Variants in NT5DC1 observed in about 807,000 individuals in gnomAD.
NT5DC1 encodes the protein 5'-nucleotidase domain containing 1, also known as 5'-nucleotidase domain-containing protein 1.
A neutral mutation model predicts 59.4 loss-of-function variants in NT5DC1; 42 were observed. That is an observed-to-expected ratio of 0.71 (90% CI 0.55 to 0.92). The LOEUF is 0.92. Ranked by LOEUF, NT5DC1 falls within the 40% of genes least tolerant of loss-of-function variation. NT5DC1 has a pLI of 0.00. For missense variants in NT5DC1, 501 were observed against 537.1 expected (o/e 0.93, Z 0.66); for synonymous variants, 172 against 188.1 (o/e 0.91, Z 0.70).
intron 6 of NT5DC1, among the ~76,000 whole-genome samples, chr6:116,197,059 G>A (rs1291473598): frequency 1.3e-5 from 2 of 151,664 alleles, no homozygotes; most frequent in African/African-American, 4.8e-5. Context: ...CAGAGCCATA[G>A]CCTCAGAGCC....
intron 6 of NT5DC1, among the ~76,000 whole-genome samples, chr6:116,216,160 T>C (rs1781684307): frequency 6.6e-6 from 1 of 152,034 alleles, no homozygotes; most frequent in South Asian, 2.1e-4. Flanking sequence ...TTAAGATAAT[T>C]GGCAACAGTT....
chr6:116,153,903 A>G (rs2114404797), intron 6 of NT5DC1, among the ~76,000 whole-genome samples: 1 of 152,288 alleles, frequency 6.6e-6, no homozygotes, highest in Middle Eastern at 3.4e-3. Flanking sequence ...GGAAAAGTAA[A>G]TCTTACTACG....
rs569796237 is a variant in NT5DC1, at chr6:116,123,243, C to T, written c.529+5298C>T. On this transcript the variant is annotated intron_variant, in intron 6 of 11. Coordinates refer to ENST00000319550, the MANE Select transcript of NT5DC1 (RefSeq NM_152729.3). ...GGAAATGAGTGCATTGGGCGTCATCCGAGACTGGAACTCCAGTGACAGGGC... is the reference window on the plus strand; with the variant it reads ...GGAAATGAGTGCATTGGGCGTCATCTGAGACTGGAACTCCAGTGACAGGGC... Among the ~76,000 whole-genome samples, 12 of 152,190 alleles carry T rather than the reference C, an allele frequency of 7.9e-5. No homozygotes were observed. In the South Asian group the frequency reaches 2.1e-3, roughly 26 times the overall value.
rs988106930 is a variant in NT5DC1, at chr6:116,221,316, C to G, written c.704+88C>G. 8 of 763,298 alleles carry G rather than the reference C, an allele frequency of 1.0e-5. No homozygotes were observed. The Admixed American group carries it at 1.9e-4, about 18-fold the overall frequency. 47.3% of individuals were successfully genotyped at this position (763,298 alleles called of 1,614,324 possible). A position where few individuals can be genotyped will look rare whatever the true frequency, so the allele number is the denominator to read the frequency against. On this transcript the variant is annotated intron_variant, in intron 7 of 11. Transcript: ENST00000319550. ...GCTTTTTTAAAAGTGTCAGCCATGA[C>G]CATATCATTATTTTAAACAATGCTG...
chr6:116,181,059 T>TTG (rs1454180927), intron 6 of NT5DC1, among the ~76,000 whole-genome samples: 1 of 151,168 alleles, frequency 6.6e-6, no homozygotes, highest in African/African-American at 2.5e-5. Context: ...ATATGGTATC[T>TTG]TGAATTTACT....
chr6:116,237,495 G>A (rs1159713820), intron 9 of NT5DC1: 12 of 457,704 alleles, frequency 2.6e-5, no homozygotes, highest in South Asian at 1.1e-4. Flanking sequence ...CTGAGAGATC[G>A]TGGGGTAACA....
At position 116,237,773 on chromosome 6, in the gene NT5DC1, A is replaced by G. The variant is rs186271168; in HGVS notation, c.922-414A>G. 532 of 263,712 alleles carry G rather than the reference A, an allele frequency of 2.0e-3. 2 individuals are homozygous for G. Among genetic ancestry groups the G allele is most frequent in the Middle Eastern group, 5.7e-3 (4 of 704 alleles). The allele number at this position is 263,712 out of a possible 1,614,324, so 16.3% of individuals were successfully genotyped here. A position where few individuals can be genotyped will look rare whatever the true frequency, so the allele number is the denominator to read the frequency against. The stretch of plus-strand genomic sequence containing the variant: ...GTCTGGGGTTGGGCCCAGAAACTTG[A>G]AAAGTGGTTGTGATTTGCACTTTTA... On this transcript the variant is annotated intron_variant, in intron 9 of 11. Transcript: ENST00000319550.
chr6:116,238,429 C>CAA (rs1487973221), intron 10 of NT5DC1, 81 bp downstream of exon 10: 4 of 736,740 alleles, frequency 5.4e-6, no homozygotes, highest in Non-Finnish European at 7.6e-6. Flanking sequence ...TACTTGACTC[C>CAA]AAAATTGTCC....
intron 6 of NT5DC1, among the ~76,000 whole-genome samples, chr6:116,127,659 A>T (rs954070830): frequency 1.3e-5 from 2 of 152,138 alleles, no homozygotes; most frequent in African/African-American, 4.8e-5. Flanking sequence ...AACTTTATGG[A>T]TGCTTTTGAA....
intron 6 of NT5DC1, among the ~76,000 whole-genome samples, chr6:116,215,190 A>T (rs1417819291): frequency 6.6e-6 from 1 of 152,188 alleles, no homozygotes; most frequent in Non-Finnish European, 1.5e-5. Flanking sequence ...CATGAAGATA[A>T]GATGCCTAGG....
At chr6:116,243,770 A>G in intron 11 of NT5DC1, 139 bp from the exon 12 acceptor site, 1 of 516,876 alleles carries the variant, frequency 1.9e-6, no homozygotes, top group Non-Finnish European at 3.4e-6. Flanking sequence ...AGCTACACAC[A>G]GACCTACTGA....
intron 8 of NT5DC1, among the ~76,000 whole-genome samples, chr6:116,235,975 A>G (rs1350637358): frequency 2.0e-5 from 3 of 152,164 alleles, no homozygotes; most frequent in Non-Finnish European, 4.4e-5. Context: ...GTAATTTTGT[A>G]TTAATTCTGT....
intron 1 of NT5DC1, among the ~76,000 whole-genome samples, chr6:116,101,733 A>G (rs1251487460): frequency 2.0e-5 from 3 of 152,170 alleles, no homozygotes; most frequent in African/African-American, 4.8e-5. Context: ...TGGAGTATGC[A>G]TGCTTCCAGA....
intron 6 of NT5DC1, among the ~76,000 whole-genome samples, chr6:116,215,060 A>T (rs1375596190): frequency 6.6e-6 from 1 of 152,126 alleles, no homozygotes; most frequent in Admixed American, 6.5e-5. Context: ...GAACCCAGTT[A>T]TCAAGGTTTA....
intron 8 of NT5DC1, among the ~76,000 whole-genome samples, chr6:116,236,334 C>T (rs771384235): frequency 1.3e-5 from 2 of 152,158 alleles, no homozygotes; most frequent in Non-Finnish European, 2.9e-5. Flanking sequence ...ATAGAATAGC[C>T]GGCAAAATTC....
intron 6 of NT5DC1, chr6:116,120,584 C>T: frequency 1.3e-6 from 2 of 1,592,802 alleles, no homozygotes; most frequent in African/African-American, 1.4e-5. Context: ...GCCTGGAGGC[C>T]CAGGGGGCCC....
intron 6 of NT5DC1, among the ~76,000 whole-genome samples, chr6:116,189,403 T>A (rs1395839839): frequency 1.3e-5 from 2 of 151,980 alleles, no homozygotes; most frequent in East Asian, 3.9e-4. Flanking sequence ...TTCGTAGTCT[T>A]GACATTTTAT....
chr6:116,174,795 C>T, intron 6 of NT5DC1, among the ~76,000 whole-genome samples: 1 of 152,142 alleles, frequency 6.6e-6, no homozygotes. Context: ...ACTTGCTTTG[C>T]AATCCACTGG....
chr6:116,119,617 A>G (rs962671917), intron 6 of NT5DC1: 4 of 164,262 alleles, frequency 2.4e-5, no homozygotes, highest in African/African-American at 9.6e-5. Flanking sequence ...TAAGTTCTAC[A>G]AAGTTATATG....
Sources: gnomAD v4.1 joint callset for allele counts (sites outside exome capture counted in the v4.1 genomes callset) on GRCh38, gnomAD v4.1.1 for gene constraint, MANE v1.5 for transcripts, NCBI Gene and HGNC (gene_info 2026-07-23, HGNC 2026-07-21) for gene names.